The following LIN28B variants were observed in gnomAD, a reference collection of about 807,000 sequenced individuals.
The protein encoded by LIN28B is lin-28 RNA binding posttranscriptional regulator B, also known as protein lin-28 homolog B.
LIN28B carries 5 observed loss-of-function variants against 21.9 expected under a neutral mutation model. The observed-to-expected ratio is 0.23, with a 90% CI of 0.12 to 0.48. The LOEUF (loss-of-function observed/expected upper bound fraction) is 0.48. LIN28B is among the 20% of genes least tolerant of loss of function. The pLI is 0.98. For missense variants in LIN28B, 245 were observed against 310.5 expected, an observed-to-expected ratio of 0.79 and a Z score of 1.58; for synonymous variants, 109 against 111.3, an observed-to-expected ratio of 0.98 and a Z score of 0.13.
At chr6:105,040,173 A>T (rs547059849) in intron 3 of LIN28B, among the ~76,000 whole-genome samples, 8 of 152,150 alleles carry the variant, frequency 5.3e-5, no homozygotes, top group Non-Finnish European at 7.4e-5. Flanking sequence ...AGTGAGTTAC[A>T]TCTATAGATT....
chr6:105,054,077 A>G (rs1228278177), intron 3 of LIN28B, among the ~76,000 whole-genome samples: 1 of 152,108 alleles, frequency 6.6e-6, no homozygotes, highest in Non-Finnish European at 1.5e-5. Flanking sequence ...ATTTCAACAT[A>G]TCTGTGACTT....
chr6:105,004,738 A>G (rs111873843), intron 2 of LIN28B, among the ~76,000 whole-genome samples: 9 of 152,296 alleles, frequency 5.9e-5, no homozygotes, highest in African/African-American at 1.7e-4. Context: ...AGTATCATTA[A>G]TATGTCTCTA....
chr6:105,057,976 C>G (rs113130502), intron 3 of LIN28B: 3,841 of 288,844 alleles, frequency 0.013, 153 homozygotes, highest in African/African-American at 0.082. Flanking sequence ...ATTCTACTGG[C>G]TGTATGCAGC....
At chr6:105,030,110 G>A (rs552436004) in intron 3 of LIN28B, among the ~76,000 whole-genome samples, 13 of 152,162 alleles carry the variant, frequency 8.5e-5, no homozygotes, top group Non-Finnish European at 1.6e-4. Context: ...AGCTAAGGGT[G>A]TCCATAATTT....
chr6:105,058,249 C>G (rs1772059327), intron 3 of LIN28B: 1 of 177,192 alleles, frequency 5.6e-6, no homozygotes, highest in African/African-American at 2.4e-5. Context: ...GATATCAGTT[C>G]TCAAGGGGGA....
chr6:104,995,276 G>A (rs895840052), intron 2 of LIN28B, among the ~76,000 whole-genome samples: 1 of 152,182 alleles, frequency 6.6e-6, no homozygotes, highest in African/African-American at 2.4e-5. Flanking sequence ...TTTAAGGAGA[G>A]TATACTTAGG....
intron 2 of LIN28B, among the ~76,000 whole-genome samples, chr6:104,988,787 C>T (rs1770401437): frequency 6.6e-6 from 1 of 152,124 alleles, no homozygotes; most frequent in African/African-American, 2.4e-5. Flanking sequence ...CCATGTTGGC[C>T]AGGCTGTTCT....
chr6:105,078,591 C>T lies in LIN28B; in HGVS notation c.561C>T (p.Cys187=). 1 of 1,614,136 alleles carries T rather than the reference C, an allele frequency of 6.2e-7. No homozygotes were observed. Among genetic ancestry groups the T allele is most frequent in the Non-Finnish European group, 8.5e-7 (1 of 1,180,026 alleles). ...QGRQEAESQP[C]TSTLPREVGG... Reference sequence around the variant, plus strand: ...GACAGGAAGCAGAATCCCAGCCATGCACTTCAACTCTCCCTCGAGAAGTGG... The same window carrying T: ...GACAGGAAGCAGAATCCCAGCCATGTACTTCAACTCTCCCTCGAGAAGTGG... The change falls in exon 4 of 4, where the codon TGC becomes TGT. Residue 187 remains cysteine (C), a synonymous_variant. Coordinates refer to ENST00000345080, the MANE Select transcript of LIN28B (RefSeq NM_001004317.4).
Position 104,978,165 on chromosome 6 carries a change from C to CT in LIN28B, c.198+19886dup, listed in dbSNP as rs538652819. On this transcript the variant is annotated intron_variant, in intron 2 of 3. Transcript: ENST00000345080. ...GTTTTGGGCTACTGCCCCCCACCTT[C>CT]TTTTTTTCAGTGGAAAAGATGGTGG... Among the ~76,000 whole-genome samples the CT allele has an allele frequency of 2.4e-4, 36 of 152,276 alleles. No homozygotes were observed. The South Asian group carries it at 5.4e-3, about 23-fold the overall frequency.
At position 104,958,179 on chromosome 6, in the gene LIN28B, A is replaced by G. The variant is rs1012254438; in HGVS notation, c.91A>G (p.Thr31Ala). The G allele has an allele frequency of 2.5e-6, 4 of 1,608,886 alleles. No homozygotes were observed. The African/African-American group carries it at 4.0e-5, about 16-fold the overall frequency. Residue 31 changes from threonine (T) to alanine (A), a missense_variant, in exon 2 of 4, where the codon ACT (threonine) becomes GCT (alanine). Thr to Ala is a moderately conservative substitution (Grantham distance 58). Transcript: ENST00000345080. The stretch of plus-strand genomic sequence containing the variant: ...GGAGGAATCCCAGGTTTTGCGCGGA[A>G]CTGGCCACTGTAAGTGGTTCAATGT... ...AEEESQVLRG[T>A]GHCKWFNVRM...
intron 2 of LIN28B, among the ~76,000 whole-genome samples, chr6:104,990,766 TAACGAGCATGCTGCCTTCAA>T (rs1435868587): frequency 5.9e-5 from 9 of 152,078 alleles, no homozygotes; most frequent in Non-Finnish European, 1.3e-4. Flanking sequence ...TGATGACTCT[TAACGAGCATGCTGCCTTCAA>T]GCATCTGTTT....
intron 3 of LIN28B, 44 bp downstream of exon 3, chr6:105,026,526 G>A (rs1368955246): frequency 2.3e-6 from 3 of 1,309,450 alleles, no homozygotes; most frequent in Non-Finnish European, 3.2e-6. Flanking sequence ...ATTGTGTTTG[G>A]AAAGGATTTC....
chr6:104,998,830 A>G (rs1319748075), intron 2 of LIN28B, among the ~76,000 whole-genome samples: 1 of 152,186 alleles, frequency 6.6e-6, no homozygotes, highest in Non-Finnish European at 1.5e-5. Context: ...ACGGTAAACC[A>G]GGTAATTTTT....
chr6:105,066,506 A>G (rs560691542), intron 3 of LIN28B, among the ~76,000 whole-genome samples: 3 of 152,204 alleles, frequency 2.0e-5, no homozygotes, highest in East Asian at 3.9e-4. Flanking sequence ...CATGCCACCA[A>G]AATTGATTCT....
At chr6:104,983,489 C>T (rs1471038196) in intron 2 of LIN28B, among the ~76,000 whole-genome samples, 4 of 152,216 alleles carry the variant, frequency 2.6e-5, no homozygotes, top group African/African-American at 7.2e-5. Flanking sequence ...AAGGCAGCTA[C>T]CTTGGTTACT....
chr6:105,036,652 C>CTT (rs3035142), intron 3 of LIN28B, among the ~76,000 whole-genome samples: 114,036 of 151,850 alleles, frequency 0.75, 43,021 homozygotes, highest in East Asian at 0.96. Context: ...CCCAAGATGC[C>CTT]ATTGGAATGG....
intron 3 of LIN28B, among the ~76,000 whole-genome samples, chr6:105,063,636 G>C (rs1314437299): frequency 1.5e-4 from 11 of 73,670 alleles, no homozygotes; most frequent in African/African-American, 1.0e-3. Flanking sequence ...ACTCCATCTC[G>C]GGGGGGGGGG....
chr6:105,023,936 G>A (rs952015760), intron 2 of LIN28B, among the ~76,000 whole-genome samples: 3 of 151,384 alleles, frequency 2.0e-5, no homozygotes, highest in Non-Finnish European at 2.9e-5. Flanking sequence ...CTACAAAAGT[G>A]CACTTAAGAG....
chr6:105,063,648 G>GAAAA lies in LIN28B; in HGVS notation c.384-14762_384-14759dup, dbSNP rs1230150037. ...AAGACTCCATCTCGGGGGGGGGGGG[G>GAAAA]AAAAAAAGGTAAAGTAAAGGATAAT... On this transcript the variant is annotated intron_variant, in intron 3 of 3. Coordinates refer to ENST00000345080, the MANE Select transcript of LIN28B (RefSeq NM_001004317.4). Among the ~76,000 whole-genome samples the GAAAA allele has an allele frequency of 1.9e-4, 25 of 133,302 alleles. 2 individuals are homozygous for GAAAA. Among genetic ancestry groups the GAAAA allele is most frequent in the South Asian group, 5.0e-4 (2 of 4,040 alleles). 87.5% of individuals were successfully genotyped at this position (133,302 alleles called of 152,430 possible).
Sources: allele counts gnomAD v4.1 joint callset (sites outside exome capture counted in the v4.1 genomes callset), GRCh38; gene constraint gnomAD v4.1.1; transcripts MANE v1.5; gene names NCBI Gene and HGNC (gene_info 2026-07-23, HGNC 2026-07-21).